NLRP5: variants seen among roughly 807,000 people sequenced by gnomAD.
NLRP5 encodes the protein NACHT, LRR and PYD domains-containing protein 5.
A neutral mutation model predicts 113.1 loss-of-function variants in NLRP5; 93 were observed. That is an observed-to-expected ratio of 0.82 (90% CI 0.70 to 0.98). The LOEUF is 0.98. Ranked by LOEUF, NLRP5 falls within the 50% of genes least tolerant of loss-of-function variation. The pLI is 0.00. For synonymous variants in NLRP5, 751 were observed against 600.7 expected (o/e 1.25, Z -3.66); for missense variants, 1,808 against 1,514.3 (o/e 1.19, Z -3.22).
rs1983202986 is a variant in NLRP5 at position 56,033,570 on chromosome 19, G to A, written c.2476G>A (p.Val826Met). The A allele has an allele frequency of 6.2e-7, 1 of 1,613,818 alleles. No homozygotes were observed. The highest frequency in any genetic ancestry group is 8.5e-7 in the Non-Finnish European group (1 of 1,179,774). Residue 826 changes from valine to methionine, a missense_variant, in exon 9 of 15, where the codon GTG becomes ATG. Coordinates refer to ENST00000390649, the MANE Select transcript of NLRP5 (RefSeq NM_153447.4). ...TAGAAATGCACAGATTACCCCTGGT[G>A]TGCAGCACCTCTGGAGAATCGTCAT...
intron 9 of NLRP5, among the ~76,000 whole-genome samples, chr19:56,035,748 C>T (rs143364991): frequency 8.4e-4 from 128 of 152,302 alleles, no homozygotes; most frequent in African/African-American, 3.0e-3. Context: ...TTCCTGACAC[C>T]TGGCCCGTAT....
chr19:55,995,916 C>A (rs983038006), upstream of NLRP5, among the ~76,000 whole-genome samples: 2 of 151,814 alleles, frequency 1.3e-5, no homozygotes, highest in Non-Finnish European at 2.9e-5. Flanking sequence ...TTGATTTTTG[C>A]ATCATACTGA....
chr19:56,019,315 A>C, intron 4 of NLRP5, 27 bp from the exon 5 acceptor site: 2 of 1,613,760 alleles, frequency 1.2e-6, no homozygotes, highest in Non-Finnish European at 1.7e-6. Flanking sequence ...AAACACAAGT[A>C]TGTTGGAATT....
chr19:56,054,259 G>A (rs444555), intron 13 of NLRP5, among the ~76,000 whole-genome samples: 83,251 of 151,862 alleles, frequency 0.55, 22,858 homozygotes, highest in Admixed American at 0.64. Flanking sequence ...GTTCAGCCAT[G>A]AAAAGAAAAG....
At chr19:56,048,030 A>T (rs985881099) in intron 11 of NLRP5, among the ~76,000 whole-genome samples, 4 of 152,160 alleles carry the variant, frequency 2.6e-5, no homozygotes, top group Non-Finnish European at 5.9e-5. Context: ...ATCTGATCTA[A>T]GAATAGTTAC....
At chr19:56,018,961 CT>C (rs1982509267) in intron 4 of NLRP5, among the ~76,000 whole-genome samples, 1 of 152,012 alleles carries the variant, frequency 6.6e-6, no homozygotes. Flanking sequence ...CCCTGGCTAA[CT>C]TTTTGTATTT....
At chr19:56,043,420 G>A (rs1983592661) in intron 11 of NLRP5, among the ~76,000 whole-genome samples, 1 of 151,678 alleles carries the variant, frequency 6.6e-6, no homozygotes, top group Non-Finnish European at 1.5e-5. Context: ...GTCTATTCAT[G>A]TCCTTAGCCC....
intron 13 of NLRP5, among the ~76,000 whole-genome samples, chr19:56,056,973 A>G (rs57939045): frequency 0.14 from 21,527 of 151,856 alleles, 1,689 homozygotes; most frequent in East Asian, 0.31. Flanking sequence ...AACCCCGTCT[A>G]TACTAAAAAT....
intron 11 of NLRP5, among the ~76,000 whole-genome samples, chr19:56,046,279 C>G (rs1048256685): frequency 6.6e-6 from 1 of 152,060 alleles, no homozygotes; most frequent in Non-Finnish European, 1.5e-5. Flanking sequence ...GTTAAACCAT[C>G]CCTGGTATGA....
At chr19:56,022,409 A>T (rs2437691) in intron 6 of NLRP5, among the ~76,000 whole-genome samples, 156 of 151,560 alleles carry the variant, frequency 1.0e-3, no homozygotes, top group African/African-American at 3.4e-3. Context: ...TATAGAAAGG[A>T]GGGGGCAGGG....
intron 6 of NLRP5, among the ~76,000 whole-genome samples, chr19:56,022,170 T>C (rs1982640028): frequency 6.6e-6 from 1 of 152,204 alleles, no homozygotes; most frequent in African/African-American, 2.4e-5. Flanking sequence ...TCTCCACATT[T>C]TGATTGTCAA....
chr19:56,025,882 C>A (rs1260018164), intron 6 of NLRP5, among the ~76,000 whole-genome samples: 1 of 152,052 alleles, frequency 6.6e-6, no homozygotes, highest in Non-Finnish European at 1.5e-5. Flanking sequence ...TGGCATACAT[C>A]ATTCATTTAA....
chr19:56,053,825 C>T lies in NLRP5; in HGVS notation c.3299+17C>T, dbSNP rs372502959. 3.7e-6 allele frequency: 6 copies of T among 1,609,644 alleles called. No individual in the cohort carries two copies. The highest frequency in any genetic ancestry group is 1.3e-5 in the African/African-American group (1 of 74,822). On this transcript the variant is annotated intron_variant, in intron 13 of 14. Transcript: ENST00000390649. ...GAGACTCGGGTAACTTCCTGGGGCG[C>T]CTCTTTGCGGGCCGGGCTGGGAGGA...
intron 6 of NLRP5, among the ~76,000 whole-genome samples, chr19:56,022,867 G>A (rs147435327): frequency 8.5e-5 from 13 of 152,264 alleles, no homozygotes; most frequent in African/African-American, 3.1e-4. Context: ...TGGGATTACA[G>A]GCATGTGCCA....
At chr19:56,006,993 C>T (rs9676384) in intron 2 of NLRP5, among the ~76,000 whole-genome samples, 3 of 151,166 alleles carry the variant, frequency 2.0e-5, no homozygotes, top group African/African-American at 4.9e-5. Context: ...CCCACCTTGG[C>T]CTCCCAAAGT....
intron 13 of NLRP5, among the ~76,000 whole-genome samples, chr19:56,056,264 TAAAG>T (rs969490743): frequency 3.9e-5 from 6 of 151,980 alleles, no homozygotes; most frequent in African/African-American, 1.5e-4. Flanking sequence ...CCTGTAACAA[TAAAG>T]AAAGCATGGC....
rs1233707172 is a variant in NLRP5 at position 56,007,101 on chromosome 19, G to A, written c.443-1687G>A. 1.7e-4 allele frequency among the ~76,000 whole-genome samples: 26 copies of A among 151,316 alleles called. 1 individual carries two copies. The highest frequency in any genetic ancestry group is 1.6e-3 in the Admixed American group (24 of 15,236). On this transcript the variant is annotated intron_variant, in intron 2 of 14. Transcript: ENST00000390649. ...CTTATGGCTGGGCACCGTGGCTCACGCCTGTAATCCCAATACTTTGAGAGT... is the reference window on the plus strand; with the variant it reads ...CTTATGGCTGGGCACCGTGGCTCACACCTGTAATCCCAATACTTTGAGAGT...
Position 56,026,994 on chromosome 19 carries a change from A to G in NLRP5, c.761A>G (p.Glu254Gly), listed in dbSNP as rs1982880043. 1 of 1,551,648 alleles carries G rather than the reference A, an allele frequency of 6.4e-7. No homozygotes were observed. The change falls in exon 7 of 15, where the codon GAA becomes GGA. Residue 254 changes from glutamate to glycine, a missense_variant. Physicochemically the swap from Glu to Gly is moderately conservative, Grantham distance 98. Transcript: ENST00000390649. Reference sequence around the variant, plus strand: ...GAGGAGGATGTACGTCGTAGTTTTGAAAACACTGCTGCTGACTGGCCGGAA... The same window carrying G: ...GAGGAGGATGTACGTCGTAGTTTTGGAAACACTGCTGCTGACTGGCCGGAA...
intron 7 of NLRP5, among the ~76,000 whole-genome samples, chr19:56,030,445 C>A (rs1983053908): frequency 6.6e-6 from 1 of 152,112 alleles, no homozygotes; most frequent in Admixed American, 6.6e-5. Context: ...AACAGGGCAG[C>A]TACCTTTGGT....
Sources: gnomAD v4.1 joint callset for allele counts (sites outside exome capture counted in the v4.1 genomes callset) on GRCh38, gnomAD v4.1.1 for gene constraint, MANE v1.5 for transcripts, NCBI Gene and HGNC (gene_info 2026-07-23, HGNC 2026-07-21) for gene names.